MEGF9: variants seen among roughly 807,000 people sequenced by gnomAD.
MEGF9 encodes the protein multiple epidermal growth factor-like domains protein 9.
Under a neutral mutation model 46.8 loss-of-function variants are expected in MEGF9, and 6 were observed. The ratio of observed to expected loss-of-function variants is 0.13; its 90% CI spans 0.07 to 0.25. MEGF9 has a LOEUF of 0.25. MEGF9 is among the 10% of genes least tolerant of loss of function. MEGF9 has a pLI of 1.00. For synonymous variants in MEGF9, 302 were observed against 330.7 expected (o/e 0.91, Z 0.94); for missense variants, 683 against 792.4 (o/e 0.86, Z 1.66).
In MEGF9 at chr9:120,628,465, G is replaced by GTCGTTTTTTTTTTTTTTTTTTTTT. The variant is rs1306331353; in HGVS notation, c.804-5711_804-5710insAAAAAAAAAAAAAAAAAAAAACGA. 3.8e-5 allele frequency among the ~76,000 whole-genome samples: 2 copies of GTCGTTTTTTTTTTTTTTTTTTTTT among 52,756 alleles called. 1 individual carries two copies. 34.6% of individuals were successfully genotyped at this position (52,756 alleles called of 152,430 possible). On this transcript the variant is annotated intron_variant, in intron 2 of 5. Coordinates refer to ENST00000373930, the MANE Select transcript of MEGF9 (RefSeq NM_001080497.3). ...CCATATTCAGACAGAAATTCTTGTC[G>GTCGTTTTTTTTTTTTTTTTTTTTT]TTGTTTTTTTTTTTTTTTTTTTTTT...
chr9:120,644,545 C>A (rs1341770522), intron 2 of MEGF9, among the ~76,000 whole-genome samples: 1 of 152,170 alleles, frequency 6.6e-6, no homozygotes, highest in Non-Finnish European at 1.5e-5. Flanking sequence ...TTAACAAACA[C>A]TAGGACCCAC....
chr9:120,627,240 G>A (rs1363600630), intron 2 of MEGF9, among the ~76,000 whole-genome samples: 1 of 152,054 alleles, frequency 6.6e-6, no homozygotes, highest in African/African-American at 2.4e-5. Context: ...ACATTAGGTG[G>A]GATCAAAGCC....
chr9:120,612,851 T>C lies in MEGF9; in HGVS notation c.944-312A>G, dbSNP rs142523310. Reference sequence around the variant, plus strand: ...AGAAAACAAAAACAATCCAAATACATATTAATAGAAGAATAGATAAATTGT... The same window carrying C: ...AGAAAACAAAAACAATCCAAATACACATTAATAGAAGAATAGATAAATTGT... On this transcript the variant is annotated intron_variant, in intron 3 of 5. Transcript: ENST00000373930. Among the ~76,000 whole-genome samples, 35 of 150,598 alleles carry C rather than the reference T, an allele frequency of 2.3e-4. No homozygotes were observed. The East Asian group carries it at 6.4e-3, about 28-fold the overall frequency.
intron 1 of MEGF9, among the ~76,000 whole-genome samples, chr9:120,689,069 G>A (rs1262523039): frequency 1.3e-5 from 2 of 151,674 alleles, no homozygotes; most frequent in African/African-American, 4.9e-5. Context: ...ACAGCTTAAT[G>A]TCTTATAGCA....
chr9:120,674,137 G>GTATAAGT (rs1564425370), intron 1 of MEGF9, among the ~76,000 whole-genome samples: 1 of 152,132 alleles, frequency 6.6e-6, no homozygotes, highest in African/African-American at 2.4e-5. Context: ...AAAGAAAAAT[G>GTATAAGT]TATAAGTTGG....
intron 2 of MEGF9, among the ~76,000 whole-genome samples, chr9:120,648,691 T>C (rs2043635857): frequency 6.6e-6 from 1 of 152,220 alleles, no homozygotes; most frequent in South Asian, 2.1e-4. Context: ...AATTGTTAAT[T>C]GTTTCTAGTG....
chr9:120,609,271 T>C (rs1162337798), intron 4 of MEGF9, among the ~76,000 whole-genome samples: 2 of 149,082 alleles, frequency 1.3e-5, no homozygotes, highest in Non-Finnish European at 3.0e-5. Context: ...GTTTTGTACA[T>C]ACTACTTTCT....
intron 2 of MEGF9, among the ~76,000 whole-genome samples, chr9:120,648,373 C>G (rs367725165): frequency 6.6e-6 from 1 of 151,746 alleles, no homozygotes; most frequent in East Asian, 1.9e-4. Context: ...AAAATGTCAT[C>G]CTGTCATTGC....
At chr9:120,656,063 G>C (rs1230424977) in intron 2 of MEGF9, among the ~76,000 whole-genome samples, 1 of 152,162 alleles carries the variant, frequency 6.6e-6, no homozygotes, top group African/African-American at 2.4e-5. Flanking sequence ...ATACCAAGAG[G>C]CTTTCTACTA....
intron 1 of MEGF9, among the ~76,000 whole-genome samples, chr9:120,679,260 G>A (rs1408762876): frequency 1.3e-5 from 2 of 152,168 alleles, no homozygotes; most frequent in Non-Finnish European, 2.9e-5. Context: ...TTAAGAAAAT[G>A]TGGCACATAT....
intron 1 of MEGF9, among the ~76,000 whole-genome samples, chr9:120,676,863 T>C (rs1330558340): frequency 1.3e-5 from 2 of 152,228 alleles, no homozygotes; most frequent in African/African-American, 4.8e-5. Context: ...CTTGCAACTG[T>C]AGAGACTGCA....
At chr9:120,655,171 C>T (rs1176003935) in intron 2 of MEGF9, among the ~76,000 whole-genome samples, 1 of 152,180 alleles carries the variant, frequency 6.6e-6, no homozygotes, top group Non-Finnish European at 1.5e-5. Flanking sequence ...TAGGCTTTCA[C>T]TTTCACTCAT....
chr9:120,680,385 G>T (rs1564426690), intron 1 of MEGF9, among the ~76,000 whole-genome samples: 1 of 152,196 alleles, frequency 6.6e-6, no homozygotes, highest in Non-Finnish European at 1.5e-5. Context: ...GACTTATACA[G>T]GTACCGCCTT....
At chr9:120,678,405 A>T (rs2043783088) in intron 1 of MEGF9, among the ~76,000 whole-genome samples, 1 of 152,166 alleles carries the variant, frequency 6.6e-6, no homozygotes, top group South Asian at 2.1e-4. Context: ...CCTCCCACCA[A>T]CACTATACAA....
At chr9:120,653,033 C>T (rs902884886) in intron 2 of MEGF9, among the ~76,000 whole-genome samples, 3 of 152,220 alleles carry the variant, frequency 2.0e-5, no homozygotes, top group Non-Finnish European at 2.9e-5. Flanking sequence ...ATTCCGCTCC[C>T]TTTCTACTAC....
chr9:120,608,237 T>C (rs746368575), intron 4 of MEGF9, among the ~76,000 whole-genome samples: 1 of 152,190 alleles, frequency 6.6e-6, no homozygotes, highest in Non-Finnish European at 1.5e-5. Flanking sequence ...TAGAGACATA[T>C]AATAATCTCT....
chr9:120,668,037 C>G (rs534559455), intron 1 of MEGF9, among the ~76,000 whole-genome samples: 2 of 152,126 alleles, frequency 1.3e-5, no homozygotes, highest in Admixed American at 1.3e-4. Flanking sequence ...AATAAACAAA[C>G]AAACAAAAAA....
At chr9:120,669,238 T>C (rs989781413) in intron 1 of MEGF9, among the ~76,000 whole-genome samples, 2 of 152,182 alleles carry the variant, frequency 1.3e-5, no homozygotes, top group African/African-American at 4.8e-5. Flanking sequence ...AGGTTTTAAA[T>C]TGCTCAATGA....
intron 1 of MEGF9, among the ~76,000 whole-genome samples, chr9:120,662,519 G>A (rs1362090356): frequency 6.6e-6 from 1 of 152,152 alleles, no homozygotes; most frequent in Non-Finnish European, 1.5e-5. Flanking sequence ...AGACGTAGAC[G>A]GCTAAGATTA....
Sources: allele counts gnomAD v4.1 joint callset (sites outside exome capture counted in the v4.1 genomes callset), GRCh38; gene constraint gnomAD v4.1.1; transcripts MANE v1.5; gene names NCBI Gene and HGNC (gene_info 2026-07-23, HGNC 2026-07-21).